CHST8: variants seen among roughly 807,000 people sequenced by gnomAD.
CHST8 encodes the protein GALNAC-4-ST1.
A neutral mutation model predicts 15.0 loss-of-function variants in CHST8; 10 were observed. That is an observed-to-expected ratio of 0.67 (90% confidence interval 0.41 to 1.13). The LOEUF is 1.13. Among genes scored for constraint, CHST8 ranks in the 50% most tolerant of loss-of-function variants. The pLI is 0.00. For missense variants in CHST8, 634 were observed against 608.2 expected (o/e 1.04, Z -0.45); for synonymous variants, 259 against 256.6 (o/e 1.01, Z -0.09).
intron 4 of CHST8, among the ~76,000 whole-genome samples, 200 bp downstream of exon 4, chr19:33,771,650 C>T (rs1245301333): frequency 3.9e-5 from 6 of 152,182 alleles, no homozygotes; most frequent in South Asian, 2.1e-4. Context: ...CTTCTTTGCA[C>T]GGTGCTAATA....
intron 3 of CHST8, among the ~76,000 whole-genome samples, chr19:33,727,795 C>T (rs1973929161): frequency 6.6e-6 from 1 of 152,246 alleles, no homozygotes; most frequent in African/African-American, 2.4e-5. Context: ...GGGCTGGTGG[C>T]TGCATTCCAG....
At chr19:33,630,211 C>T (rs757626353) in intron 1 of CHST8, among the ~76,000 whole-genome samples, 6 of 152,222 alleles carry the variant, frequency 3.9e-5, no homozygotes, top group African/African-American at 7.2e-5. Flanking sequence ...TGCAGAGCCT[C>T]GTACACCTGG....
intron 3 of CHST8, among the ~76,000 whole-genome samples, chr19:33,691,821 A>G (rs1973103599): frequency 6.6e-6 from 1 of 152,196 alleles, no homozygotes; most frequent in Admixed American, 6.5e-5. Context: ...GCAAACAGGC[A>G]GGTGTTGGGG....
chr19:33,657,601 G>C (rs1433081767), intron 1 of CHST8, among the ~76,000 whole-genome samples: 1 of 151,926 alleles, frequency 6.6e-6, no homozygotes, highest in African/African-American at 2.4e-5. Context: ...ACAAAGTCTT[G>C]CTCTGTTGCT....
chr19:33,750,944 G>T (rs2002752), intron 3 of CHST8, among the ~76,000 whole-genome samples: 1 of 151,670 alleles, frequency 6.6e-6, no homozygotes, highest in African/African-American at 2.4e-5. Flanking sequence ...AGCCAGGGAG[G>T]GCCTGAGGAT....
At chr19:33,692,715 C>T (rs1973121945) in intron 3 of CHST8, among the ~76,000 whole-genome samples, 1 of 152,074 alleles carries the variant, frequency 6.6e-6, no homozygotes, top group African/African-American at 2.4e-5. Flanking sequence ...ACAAAAAATT[C>T]CCAATGTACT....
chr19:33,751,218 G>C (rs1974414449), intron 3 of CHST8, among the ~76,000 whole-genome samples: 1 of 152,210 alleles, frequency 6.6e-6, no homozygotes, highest in African/African-American at 2.4e-5. Context: ...CTGACCAGCT[G>C]CCACGGCAGG....
rs1372830922 is a variant in CHST8, at chr19:33,772,638, G to A, written c.850G>A (p.Gly284Ser). 6 of 1,613,798 alleles carry A rather than the reference G, an allele frequency of 3.7e-6. No homozygotes were observed. Among genetic ancestry groups the A allele is most frequent in the African/African-American group, 1.3e-5 (1 of 74,936 alleles). Residue 284 changes from glycine (G) to serine (S), a missense_variant, in exon 5 of 5, where the codon GGC (glycine) becomes AGC (serine). Transcript: ENST00000650847. Reference sequence around the variant, plus strand: ...CAACAGCTACTATCACCCGGTCTTCGGCAAGGCCATCCTGGCCCGGTACCG... The same window carrying A: ...CAACAGCTACTATCACCCGGTCTTCAGCAAGGCCATCCTGGCCCGGTACCG... ...HPNSYYHPVF[G>S]KAILARYRAN...
intron 3 of CHST8, among the ~76,000 whole-genome samples, chr19:33,736,632 G>A (rs911652595): frequency 1.3e-5 from 2 of 151,918 alleles, no homozygotes; most frequent in African/African-American, 2.4e-5. Flanking sequence ...GCAATAAGGG[G>A]AGGTCTCATG....
At chr19:33,636,563 G>A (rs550277999) in intron 1 of CHST8, among the ~76,000 whole-genome samples, 1 of 152,066 alleles carries the variant, frequency 6.6e-6, no homozygotes, top group Non-Finnish European at 1.5e-5. Flanking sequence ...TCTCGCACAA[G>A]AAAAAATTCG....
intron 3 of CHST8, among the ~76,000 whole-genome samples, chr19:33,724,977 G>T (rs1973866943): frequency 6.6e-6 from 1 of 152,190 alleles, no homozygotes; most frequent in African/African-American, 2.4e-5. Context: ...GTTGGGGAGG[G>T]AGTGAGGGCA....
At chr19:33,730,097 G>A (rs1045151333) in intron 3 of CHST8, among the ~76,000 whole-genome samples, 11 of 152,136 alleles carry the variant, frequency 7.2e-5, no homozygotes, top group South Asian at 2.1e-4. Context: ...GGTGTGCATC[G>A]TCAAGACTTA....
intron 1 of CHST8, among the ~76,000 whole-genome samples, chr19:33,648,781 A>G (rs910811526): frequency 2.0e-5 from 3 of 151,970 alleles, no homozygotes; most frequent in Non-Finnish European, 4.4e-5. Flanking sequence ...AGCTTTATTA[A>G]TAATCGCCAA....
chr19:33,651,145 C>T (rs1317372367), intron 1 of CHST8, among the ~76,000 whole-genome samples: 1 of 152,002 alleles, frequency 6.6e-6, no homozygotes, highest in Non-Finnish European at 1.5e-5. Flanking sequence ...ATTGCTTATG[C>T]TTTTGGTATT....
chr19:33,729,231 G>T (rs529724510), intron 3 of CHST8, among the ~76,000 whole-genome samples: 1 of 152,236 alleles, frequency 6.6e-6, no homozygotes, highest in Non-Finnish European at 1.5e-5. Flanking sequence ...CTCATCTGAC[G>T]GCTCAACAAC....
intron 3 of CHST8, among the ~76,000 whole-genome samples, chr19:33,750,152 C>A (rs557250301): frequency 1.3e-5 from 2 of 152,270 alleles, no homozygotes; most frequent in African/African-American, 4.8e-5. Flanking sequence ...GGAGGGTGAC[C>A]TAAGGGGGGT....
chr19:33,750,372 C>T (rs1053514964), intron 3 of CHST8, among the ~76,000 whole-genome samples: 11 of 152,200 alleles, frequency 7.2e-5, no homozygotes, highest in African/African-American at 1.2e-4. Flanking sequence ...GTTTCCTGCT[C>T]AGTCCCCTCT....
At chr19:33,645,047 T>G (rs1972333350) in intron 1 of CHST8, among the ~76,000 whole-genome samples, 1 of 152,158 alleles carries the variant, frequency 6.6e-6, no homozygotes, top group Non-Finnish European at 1.5e-5. Flanking sequence ...CCAGGGACAC[T>G]GCTAAACACT....
At chr19:33,642,254 C>T (rs1312249363) in intron 1 of CHST8, among the ~76,000 whole-genome samples, 1 of 152,190 alleles carries the variant, frequency 6.6e-6, no homozygotes, top group Non-Finnish European at 1.5e-5. Flanking sequence ...GGAGTCTGGC[C>T]CACTCCCCCA....
Sources: gnomAD v4.1 joint callset for allele counts (sites outside exome capture counted in the v4.1 genomes callset) on GRCh38, gnomAD v4.1.1 for gene constraint, MANE v1.5 for transcripts, NCBI Gene and HGNC (gene_info 2026-07-23, HGNC 2026-07-21) for gene names.